The following CREM variants were observed in gnomAD, a reference collection of about 807,000 sequenced individuals.
CREM encodes cAMP-responsive element modulator.
CREM carries 13 observed loss-of-function variants against 37.3 expected under a neutral mutation model. The observed-to-expected ratio is 0.35, with a 90% CI of 0.23 to 0.55. The LOEUF (loss-of-function observed/expected upper bound fraction) is 0.55, where lower values mean the gene tolerates loss of function less well. Among genes scored for constraint, CREM ranks in the 20% least tolerant of loss-of-function variants. CREM has a pLI of 0.88. For synonymous variants in CREM, 124 were observed against 120.2 expected (o/e 1.03, Z -0.21); for missense variants, 296 against 362.3 (o/e 0.82, Z 1.49).
chr10:35,209,379 A>G (rs939405282), intron 7 of CREM: 4 of 985,078 alleles, frequency 4.1e-6, no homozygotes, highest in Non-Finnish European at 4.8e-6. Context: ...GACACATGCA[A>G]GCCTGAAAAC....
At chr10:35,166,543 C>T (rs899689301) in intron 3 of CREM, among the ~76,000 whole-genome samples, 16 of 146,022 alleles carry the variant, frequency 1.1e-4, no homozygotes, top group Admixed American at 6.9e-4. Flanking sequence ...CCAGCCTGGG[C>T]GACAGAACAA....
At chr10:35,178,699 T>C (rs1005944228) in intron 3 of CREM, among the ~76,000 whole-genome samples, 190 bp from the exon 4 acceptor site, 2 of 152,246 alleles carry the variant, frequency 1.3e-5, no homozygotes, top group African/African-American at 2.4e-5. Context: ...GTTTTATAAC[T>C]GAAATGTTTG....
chr10:35,178,566 C>T (rs1275554387), intron 3 of CREM, among the ~76,000 whole-genome samples: 1 of 152,200 alleles, frequency 6.6e-6, no homozygotes, highest in Non-Finnish European at 1.5e-5. Flanking sequence ...GGTTGAGGAG[C>T]TTAGGTCTTG....
chr10:35,194,388 A>C (rs915398548), intron 6 of CREM, among the ~76,000 whole-genome samples: 1 of 152,184 alleles, frequency 6.6e-6, no homozygotes, highest in African/African-American at 2.4e-5. Flanking sequence ...ATGTCTTTTC[A>C]GGGGGTTTTA....
At chr10:35,138,940 C>A (rs977536968) in intron 2 of CREM, among the ~76,000 whole-genome samples, 1 of 151,458 alleles carries the variant, frequency 6.6e-6, no homozygotes, top group African/African-American at 2.4e-5. Flanking sequence ...TTTAAAAAAA[C>A]AATAGATATA....
chr10:35,207,028 A>G lies in CREM; in HGVS notation c.732A>G (p.Arg244=), dbSNP rs114020170. The part of the protein sequence containing the change: ...QQLAEEATRK[R]ELRLMKNREA... ...TGGCAGAAGAAGCAACACGCAAACG[A>G]GAGCTGAGGCTAATGAAAAACAGGT... The change falls in exon 7 of 8, where the codon CGA becomes CGG. Residue 244 remains arginine (R), a synonymous_variant. Transcript: ENST00000685392. 2,450 of 1,613,756 alleles carry G rather than the reference A, an allele frequency of 1.5e-3. 34 individuals carry two copies. The African/African-American group carries it at 0.028, about 18-fold the overall frequency.
chr10:35,186,014 C>T (rs1432960753), intron 5 of CREM, among the ~76,000 whole-genome samples: 2 of 152,176 alleles, frequency 1.3e-5, no homozygotes, highest in African/African-American at 4.8e-5. Flanking sequence ...CCTTTAAAAA[C>T]GTTTGGAAAT....
chr10:35,135,371 AGTGTTTTAATTTATTAT>A (rs958276419), intron 1 of CREM: 9 of 152,180 alleles, frequency 5.9e-5, no homozygotes, highest in South Asian at 2.1e-4. Flanking sequence ...GTAGTATATA[AGTGTTTTAATTTATTAT>A]GTGTTTTAAT....
chr10:35,140,966 T>C (rs1019650499), intron 2 of CREM, among the ~76,000 whole-genome samples: 1 of 152,122 alleles, frequency 6.6e-6, no homozygotes, highest in Non-Finnish European at 1.5e-5. Context: ...GTGAAAGAGA[T>C]TGAATGGCAG....
intron 1 of CREM, among the ~76,000 whole-genome samples, chr10:35,134,106 G>A (rs1327687765): frequency 6.6e-6 from 1 of 151,254 alleles, no homozygotes; most frequent in African/African-American, 2.4e-5. Flanking sequence ...GAGTGCAATG[G>A]TGCTATCTCG....
intron 5 of CREM, among the ~76,000 whole-genome samples, chr10:35,186,067 G>A (rs937801766): frequency 7.2e-5 from 11 of 152,124 alleles, no homozygotes; most frequent in South Asian, 4.1e-4. Flanking sequence ...CTACTGTTAC[G>A]CTACTGTAAG....
chr10:35,127,854 C>CA lies in CREM; in HGVS notation c.-55+661_-55+662insA, dbSNP rs2088229869. ...GGGAATAAACACATTATTAAACATA[C>CA]TTTTTTTTTTTGAGACGGAGTCTTG... On this transcript the variant is annotated intron_variant, in intron 1 of 7. Coordinates refer to ENST00000685392, the MANE Select transcript of CREM (RefSeq NM_183011.2). Among the ~76,000 whole-genome samples, 3 of 149,244 alleles carry CA rather than the reference C, an allele frequency of 2.0e-5. No homozygotes were observed. In the South Asian group the frequency reaches 6.3e-4, roughly 31 times the overall value.
intron 6 of CREM, chr10:35,195,175 C>T: frequency 6.2e-7 from 1 of 1,613,602 alleles, no homozygotes; most frequent in Non-Finnish European, 8.5e-7. Context: ...ACAGTTCTGT[C>T]TGCAGAAGCC....
intron 5 of CREM, chr10:35,179,832 GAT>G (rs1278507606): frequency 1.3e-5 from 2 of 152,368 alleles, no homozygotes; most frequent in Non-Finnish European, 2.9e-5. Context: ...TAAATAAACA[GAT>G]ACATTCACAT....
At chr10:35,134,858 T>G (rs2090167135) in intron 1 of CREM, among the ~76,000 whole-genome samples, 1 of 151,790 alleles carries the variant, frequency 6.6e-6, no homozygotes, top group Admixed American at 6.6e-5. Flanking sequence ...GCCAAAATGG[T>G]GAAACACCAT....
chr10:35,153,572 A>G (rs1305817735), intron 3 of CREM, among the ~76,000 whole-genome samples: 2 of 152,178 alleles, frequency 1.3e-5, no homozygotes, highest in African/African-American at 4.8e-5. Context: ...ACTGCCATGA[A>G]GACCTAGGTG....
intron 2 of CREM, among the ~76,000 whole-genome samples, chr10:35,143,846 T>A (rs953660731): frequency 4.6e-5 from 7 of 152,080 alleles, no homozygotes; most frequent in Admixed American, 1.3e-4. Context: ...TGTGGGAAGA[T>A]GAGCAGTACT....
chr10:35,137,302 T>C (rs2090703421), intron 1 of CREM, among the ~76,000 whole-genome samples: 2 of 152,210 alleles, frequency 1.3e-5, no homozygotes, highest in African/African-American at 4.8e-5. Context: ...GTTTAATTTT[T>C]TAACAAAAAC....
intron 2 of CREM, among the ~76,000 whole-genome samples, chr10:35,143,192 A>C (rs1335028200): frequency 6.6e-6 from 1 of 151,388 alleles, no homozygotes; most frequent in Non-Finnish European, 1.5e-5. Context: ...GCTGGTCTTT[A>C]ACTCTTGACC....
Sources: allele counts gnomAD v4.1 joint callset (sites outside exome capture counted in the v4.1 genomes callset), GRCh38; gene constraint gnomAD v4.1.1; transcripts MANE v1.5; gene names NCBI Gene and HGNC (gene_info 2026-07-23, HGNC 2026-07-21).